Variants in EDAR observed in about 807,000 individuals in gnomAD.
The protein encoded by EDAR is tumor necrosis factor receptor superfamily member EDAR.
Under a neutral mutation model 51.3 loss-of-function variants are expected in EDAR, and 38 were observed. The observed-to-expected ratio is 0.74, with a 90% CI of 0.57 to 0.97. The LOEUF (loss-of-function observed/expected upper bound fraction) is 0.97. Among genes scored for constraint, EDAR ranks in the 50% least tolerant of loss-of-function variants. The pLI, the probability that EDAR is intolerant of heterozygous loss-of-function variation, is 0.00. For synonymous variants in EDAR, 227 were observed against 242.1 expected, an observed-to-expected ratio of 0.94 and a Z score of 0.58; for missense variants, 528 against 595.0, an observed-to-expected ratio of 0.89 and a Z score of 1.17.
At chr2:108,933,169 T>C (rs2105453817) in intron 1 of EDAR, among the ~76,000 whole-genome samples, 1 of 152,356 alleles carries the variant, frequency 6.6e-6, no homozygotes, top group Non-Finnish European at 1.5e-5. Context: ...GGTGTATTTG[T>C]AAAGTTTCTA....
intron 6 of EDAR, 82 bp downstream of exon 6, chr2:108,912,596 A>G (rs1428656228): frequency 2.3e-6 from 3 of 1,318,502 alleles, no homozygotes; most frequent in Admixed American, 2.0e-5. Context: ...ATCATCACTC[A>G]TGATCATTTC....
At position 108,912,731 on chromosome 2, in the gene EDAR, A is replaced by G; in HGVS notation, c.476T>C (p.Phe159Ser). Residue 159 changes from phenylalanine (F) to serine (S), a missense_variant, in exon 6 of 12, where the codon TTC becomes TCC. Coordinates refer to ENST00000258443, the MANE Select transcript of EDAR (RefSeq NM_022336.4). ...GGTGCTGCTGCCCGAGGTGCCAGGG[A>G]AGTTGGCAGAAGCTCCTGAAGTGGC... ...VGATSGASANFPGTSGSSTLS... is the reference protein window; with the variant it reads ...VGATSGASANSPGTSGSSTLS... 1 of 1,601,890 alleles carries G rather than the reference A, an allele frequency of 6.2e-7. No homozygotes were observed. The highest frequency in any genetic ancestry group is 8.5e-7 in the Non-Finnish European group (1 of 1,174,736).
chr2:108,910,402 C>A, intron 9 of EDAR, 58 bp downstream of exon 9: 1 of 1,428,702 alleles, frequency 7.0e-7, no homozygotes, highest in South Asian at 1.2e-5. Context: ...TGGTTCCCCT[C>A]CCTGCTCAGG....
At chr2:108,939,537 C>T (rs959794323) in intron 1 of EDAR, among the ~76,000 whole-genome samples, 1 of 152,034 alleles carries the variant, frequency 6.6e-6, no homozygotes, top group African/African-American at 2.4e-5. Context: ...AAGAGTTAGC[C>T]AGGAATCACA....
Position 108,897,145 on chromosome 2 carries a change from A to G in EDAR, c.1109T>C (p.Val370Ala), listed in dbSNP as rs3827760. 0.05 allele frequency: 79,887 copies of G among 1,613,832 alleles called. 23,819 individuals are homozygous for G. In the East Asian group the frequency reaches 0.85, roughly 17 times the overall value. Reference protein sequence around the residue: ...LSSTYNSEKAVVKTWRHLAES... With the variant: ...LSSTYNSEKAAVKTWRHLAES... ...GGCGAGGTGGCGCCACGTTTTCACAACAGCCTTCTCAGAGTTGTACGTGGA... is the reference window on the plus strand; with the variant it reads ...GGCGAGGTGGCGCCACGTTTTCACAGCAGCCTTCTCAGAGTTGTACGTGGA... The change falls in exon 12 of 12, where the codon GTT (valine) becomes GCT (alanine). Residue 370 changes from valine to alanine, a missense_variant. By Grantham distance (64) the Val-to-Ala change is moderately conservative. Transcript: ENST00000258443.
At chr2:108,939,478 G>A (rs140913445) in intron 1 of EDAR, among the ~76,000 whole-genome samples, 13 of 152,338 alleles carry the variant, frequency 8.5e-5, no homozygotes, top group Non-Finnish European at 1.9e-4. Context: ...AGATTACCAG[G>A]TGGGGAGGTC....
Position 108,976,394 on chromosome 2 carries a change from C to G in EDAR, c.-19+12566G>C, listed in dbSNP as rs185121437. ...TCATCACATGAAGGGTCCATGCTAC[C>G]AGCATGGCTCAGGATTGCTGATGCT... On this transcript the variant is annotated intron_variant, in intron 1 of 11. Coordinates refer to ENST00000258443, the MANE Select transcript of EDAR (RefSeq NM_022336.4). Among the ~76,000 whole-genome samples, 3 of 152,314 alleles carry G rather than the reference C, an allele frequency of 2.0e-5. No homozygotes were observed. In the East Asian group the frequency reaches 5.8e-4, roughly 29 times the overall value.
chr2:108,959,616 C>G (rs568826389), intron 1 of EDAR, among the ~76,000 whole-genome samples: 2 of 152,294 alleles, frequency 1.3e-5, no homozygotes, highest in South Asian at 4.1e-4. Flanking sequence ...ACCCTTGGGG[C>G]TCCAGCCAGG....
chr2:108,927,735 A>G (rs12476308), intron 4 of EDAR, among the ~76,000 whole-genome samples: 95,356 of 151,908 alleles, frequency 0.63, 33,419 homozygotes, highest in Middle Eastern at 0.81. Context: ...TCTCTGGGTT[A>G]GCTATCTAGG....
intron 1 of EDAR, among the ~76,000 whole-genome samples, chr2:108,945,401 G>A (rs1697696470): frequency 6.6e-6 from 1 of 152,164 alleles, no homozygotes; most frequent in Non-Finnish European, 1.5e-5. Flanking sequence ...TGGAACTAGA[G>A]TATGCTGGTA....
At chr2:108,981,076 C>G (rs1356296136) in intron 1 of EDAR, among the ~76,000 whole-genome samples, 1 of 152,158 alleles carries the variant, frequency 6.6e-6, no homozygotes, top group Non-Finnish European at 1.5e-5. Flanking sequence ...TGCTCACGGC[C>G]CGCTCTAAGC....
chr2:108,900,319 G>T (rs1696674378), intron 11 of EDAR, among the ~76,000 whole-genome samples: 1 of 152,222 alleles, frequency 6.6e-6, no homozygotes, highest in African/African-American at 2.4e-5. Context: ...ACTTTGGGAG[G>T]CCAAGGCAGA....
intron 5 of EDAR, among the ~76,000 whole-genome samples, chr2:108,920,164 G>A (rs576445798): frequency 2.0e-5 from 3 of 152,352 alleles, no homozygotes; most frequent in Non-Finnish European, 2.9e-5. Context: ...GAGCCATGCC[G>A]CCTGCTGGGC....
intron 4 of EDAR, among the ~76,000 whole-genome samples, chr2:108,928,204 A>G (rs957854512): frequency 1.3e-5 from 2 of 152,122 alleles, no homozygotes; most frequent in African/African-American, 4.8e-5. Context: ...AGCCCCAGGC[A>G]CTGCCCAGCT....
chr2:108,946,973 A>C (rs1697726026), intron 1 of EDAR, among the ~76,000 whole-genome samples: 1 of 152,162 alleles, frequency 6.6e-6, no homozygotes, highest in African/African-American at 2.4e-5. Flanking sequence ...CATTAACCCA[A>C]AAGTCCAAAG....
At chr2:108,972,758 G>C (rs531496612) in intron 1 of EDAR, among the ~76,000 whole-genome samples, 1 of 152,314 alleles carries the variant, frequency 6.6e-6, no homozygotes, top group Admixed American at 6.5e-5. Flanking sequence ...AGCCCATGCA[G>C]ATGCTGAGAC....
intron 9 of EDAR, among the ~76,000 whole-genome samples, chr2:108,908,536 C>G (rs934389593): frequency 5.3e-5 from 8 of 152,052 alleles, no homozygotes; most frequent in Non-Finnish European, 7.4e-5. Flanking sequence ...AGGGGGGTGA[C>G]CTGGCTGACC....
chr2:108,969,804 A>T (rs554546487), intron 1 of EDAR, among the ~76,000 whole-genome samples: 1 of 152,312 alleles, frequency 6.6e-6, no homozygotes, highest in East Asian at 1.9e-4. Flanking sequence ...AGAAAACCCA[A>T]AATATTAATA....
chr2:108,944,975 C>T (rs1274479208), intron 1 of EDAR, among the ~76,000 whole-genome samples: 1 of 152,172 alleles, frequency 6.6e-6, no homozygotes, highest in African/African-American at 2.4e-5. Flanking sequence ...GTGCAAAGGG[C>T]AAGGTTTCAG....
Sources: allele counts gnomAD v4.1 joint callset (sites outside exome capture counted in the v4.1 genomes callset), GRCh38; gene constraint gnomAD v4.1.1; transcripts MANE v1.5; gene names NCBI Gene and HGNC (gene_info 2026-07-23, HGNC 2026-07-21).